The following GSTA3 variants were observed in gnomAD, a reference collection of about 807,000 sequenced individuals.
GSTA3 encodes the protein glutathione S-transferase alpha 3.
Under a neutral mutation model 23.1 loss-of-function variants are expected in GSTA3, and 16 were observed. That is an observed-to-expected ratio of 0.69 (90% CI 0.47 to 1.05). GSTA3 has a LOEUF of 1.05. GSTA3 is among the 50% of genes least tolerant of loss of function. The pLI is 0.00. For synonymous variants in GSTA3, 122 were observed against 91.0 expected (o/e 1.34, Z -1.94); for missense variants, 319 against 263.6 (o/e 1.21, Z -1.46).
At position 52,896,786 on chromosome 6, in the gene GSTA3, T is replaced by A; in HGVS notation, c.*20A>T. ...TTAGAATATTGGTCTTGCATGTTCT[T>A]AGCCTCCATGGCTGCTTTATTAAAA... On this transcript the variant is annotated 3_prime_UTR_variant, in exon 7 of 7. Coordinates refer to ENST00000211122, the MANE Select transcript of GSTA3 (RefSeq NM_000847.5). The A allele has an allele frequency of 6.2e-7, 1 of 1,613,598 alleles. No homozygotes were observed. The highest frequency in any genetic ancestry group is 8.5e-7 in the Non-Finnish European group (1 of 1,179,682).
At chr6:52,904,124 C>T (rs1391844616) in intron 2 of GSTA3, among the ~76,000 whole-genome samples, 3 of 152,050 alleles carry the variant, frequency 2.0e-5, no homozygotes, top group East Asian at 1.9e-4. Flanking sequence ...GTAGCTGGGA[C>T]TATAGGCATG....
chr6:52,897,133 A>T (rs935129477), intron 6 of GSTA3, among the ~76,000 whole-genome samples: 6 of 152,354 alleles, frequency 3.9e-5, no homozygotes, highest in African/African-American at 9.6e-5. Flanking sequence ...AAGATGTCTT[A>T]AAGTTTTAAT....
At chr6:52,907,880 T>A (rs13197742) in intron 1 of GSTA3, among the ~76,000 whole-genome samples, 27,011 of 148,820 alleles carry the variant, frequency 0.18, 3,263 homozygotes, top group Non-Finnish European at 0.26. Context: ...TGCTGGATGA[T>A]GAGTTGGTGG....
At chr6:52,899,058 C>G (rs1765573861) in intron 5 of GSTA3, among the ~76,000 whole-genome samples, 1 of 151,740 alleles carries the variant, frequency 6.6e-6, no homozygotes, top group Non-Finnish European at 1.5e-5. Context: ...AGCAGGTAAT[C>G]AGAATGAGTC....
In GSTA3 at chr6:52,903,762, T is replaced by C. The variant is rs774951802; in HGVS notation, c.88-35A>G. On this transcript the variant is annotated intron_variant, in intron 2 of 6. Coordinates refer to ENST00000211122, the MANE Select transcript of GSTA3 (RefSeq NM_000847.5). ...GAAACAGTAAATGGGTTCTTGTTAG[T>C]TCGTTCCATAGCATTACAGACTTGT... 21 of 1,298,158 alleles carry C rather than the reference T, an allele frequency of 1.6e-5. No homozygotes were observed. The South Asian group carries it at 2.4e-4, about 15-fold the overall frequency. 80.4% of individuals were successfully genotyped at this position (1,298,158 alleles called of 1,614,324 possible).
chr6:52,902,322 G>A (rs780798684), intron 4 of GSTA3, 24 bp downstream of exon 4: 12 of 1,611,462 alleles, frequency 7.4e-6, no homozygotes, highest in Admixed American at 5.0e-5. Context: ...CTCTGTGGAT[G>A]GAAGAACACA....
rs45613641 is a variant in GSTA3, at chr6:52,900,190, G to A, written c.273-115C>T. 442 of 774,018 alleles carry A rather than the reference G, an allele frequency of 5.7e-4. 4 individuals are homozygous for A. The East Asian group carries it at 0.012, about 22-fold the overall frequency. 47.9% of individuals were successfully genotyped at this position (774,018 alleles called of 1,614,324 possible). A position where few individuals can be genotyped will look rare whatever the true frequency, so the allele number is the denominator to read the frequency against. On this transcript the variant is annotated intron_variant, in intron 4 of 6. Coordinates refer to ENST00000211122, the MANE Select transcript of GSTA3 (RefSeq NM_000847.5). ...GTGGTAAGGTAATTCATCTCCATTG[G>A]GTGCCTTTTATATTCTAGTCATTAT... is the stretch of plus-strand genomic sequence containing the variant.
At position 52,903,545 on chromosome 6, in the gene GSTA3, C is replaced by T. The variant is rs189823876; in HGVS notation, c.139+131G>A. The T allele has an allele frequency of 6.2e-4, 299 of 482,450 alleles. 4 individuals are homozygous for T. The highest frequency in any genetic ancestry group is 5.1e-3 in the African/African-American group (247 of 48,212). The allele number at this position is 482,450 out of a possible 1,614,324, so 29.9% of individuals were successfully genotyped here. On this transcript the variant is annotated intron_variant, in intron 3 of 6. Transcript: ENST00000211122. ...CTGGGAGGCGGAGCTTGCAGTAAGC[C>T]GAGATCATGCCACTGCACTCCAGCC...
intron 4 of GSTA3, among the ~76,000 whole-genome samples, chr6:52,901,551 C>T (rs1218834235): frequency 8.5e-5 from 13 of 152,264 alleles, no homozygotes; most frequent in African/African-American, 2.2e-4. Flanking sequence ...GTTATTTCTA[C>T]GTTTTGAATA....
At chr6:52,903,006 G>T (rs141355974) in intron 3 of GSTA3, among the ~76,000 whole-genome samples, 1 of 152,016 alleles carries the variant, frequency 6.6e-6, no homozygotes, top group African/African-American at 2.4e-5. Flanking sequence ...TATTCTTTTC[G>T]TCTTATTCAT....
chr6:52,905,043 G>GT (rs1319632873), intron 2 of GSTA3, among the ~76,000 whole-genome samples: 1 of 152,212 alleles, frequency 6.6e-6, no homozygotes, highest in African/African-American at 2.4e-5. Context: ...TTAACAGGCA[G>GT]TTTGTCACAA....
chr6:52,900,560 C>G (rs1240977647), intron 4 of GSTA3, among the ~76,000 whole-genome samples: 1 of 152,140 alleles, frequency 6.6e-6, no homozygotes, highest in Non-Finnish European at 1.5e-5. Flanking sequence ...CCATGCCTGG[C>G]TGCCTTTTAT....
At position 52,905,621 on chromosome 6, in the gene GSTA3, A is replaced by C; in HGVS notation, c.87+127T>G. 3 of 534,680 alleles carry C rather than the reference A, an allele frequency of 5.6e-6. No homozygotes were observed. The South Asian group carries it at 7.1e-5, about 13-fold the overall frequency. The allele number at this position is 534,680 out of a possible 1,614,324, so 33.1% of individuals were successfully genotyped here. ...AAAATTTGTCCATTTTAAAAAAATA[A>C]CTGGGGATGCTTTTATTTGAGGCCA... On this transcript the variant is annotated intron_variant, in intron 2 of 6. Transcript: ENST00000211122.
chr6:52,900,975 T>G (rs778390902), intron 4 of GSTA3, among the ~76,000 whole-genome samples: 12 of 152,252 alleles, frequency 7.9e-5, no homozygotes, highest in African/African-American at 2.9e-4. Context: ...TCTAGCCATG[T>G]GTGCCTTACT....
intron 1 of GSTA3, among the ~76,000 whole-genome samples, chr6:52,908,962 G>C (rs1765982915): frequency 6.6e-6 from 1 of 152,102 alleles, no homozygotes; most frequent in Non-Finnish European, 1.5e-5. Context: ...AAAAAGAGGA[G>C]GAGGAAGAAG....
chr6:52,905,088 T>A (rs1463319631), intron 2 of GSTA3, among the ~76,000 whole-genome samples: 3 of 152,216 alleles, frequency 2.0e-5, no homozygotes, highest in African/African-American at 7.2e-5. Context: ...TGGTTTATAG[T>A]TTATGTTTAA....
chr6:52,903,834 T>G, intron 2 of GSTA3, 107 bp from the exon 3 acceptor site: 6 of 696,366 alleles, frequency 8.6e-6, no homozygotes, highest in Non-Finnish European at 1.5e-5. Context: ...GAACATAAGA[T>G]TTCTGAGTTT....
chr6:52,904,838 G>C (rs1420536906), intron 2 of GSTA3, among the ~76,000 whole-genome samples: 2 of 152,172 alleles, frequency 1.3e-5, no homozygotes, highest in African/African-American at 4.8e-5. Flanking sequence ...TAACACTGGG[G>C]AATGCCTGGG....
intron 4 of GSTA3, 110 bp downstream of exon 4, chr6:52,902,236 G>C (rs978564518): frequency 7.3e-7 from 1 of 1,375,560 alleles, no homozygotes; most frequent in African/African-American, 1.5e-5. Flanking sequence ...ACACGCCCAA[G>C]GCCCAGCCTG....
Sources: allele counts gnomAD v4.1 joint callset (sites outside exome capture counted in the v4.1 genomes callset), GRCh38; gene constraint gnomAD v4.1.1; transcripts MANE v1.5; gene names NCBI Gene and HGNC (gene_info 2026-07-23, HGNC 2026-07-21).